The following KNL1 variants were observed in gnomAD, a reference collection of about 807,000 sequenced individuals.
KNL1 encodes the protein outer kinetochore KNL1 complex subunit KNL1.
KNL1 carries 66 observed loss-of-function variants against 201.3 expected under a neutral mutation model. The observed-to-expected ratio is 0.33, with a 90% CI of 0.27 to 0.40. The LOEUF is 0.40. KNL1 is among the 10% of genes least tolerant of loss of function. The pLI is 1.00. For synonymous variants in KNL1, 895 were observed against 899.2 expected, an observed-to-expected ratio of 1.00 and a Z score of 0.08; for missense variants, 2,815 against 2,690.5, an observed-to-expected ratio of 1.05 and a Z score of -1.02.
chr15:40,649,700 G>T (rs7183790), intron 17 of KNL1, among the ~76,000 whole-genome samples: 58,917 of 151,916 alleles, frequency 0.39, 11,621 homozygotes, highest in Middle Eastern at 0.47. Flanking sequence ...AAACTCCTGG[G>T]CTCAAGGAAT....
At position 40,620,623 on chromosome 15, in the gene KNL1, T is replaced by G; in HGVS notation, c.376-17T>G. ...TTTGCTTTTGTTCTGATCTCTTATATTTTGCTTTCATTATAGTTTTCAATT... is the reference window on the plus strand; with the variant it reads ...TTTGCTTTTGTTCTGATCTCTTATAGTTTGCTTTCATTATAGTTTTCAATT... On this transcript the variant is annotated splice_polypyrimidine_tract_variant and intron_variant, in intron 9 of 25. Coordinates refer to ENST00000399668, the MANE Select transcript of KNL1 (RefSeq NM_144508.5). 1 of 1,501,274 alleles carries G rather than the reference T, an allele frequency of 6.7e-7. No individual in the cohort carries two copies. The highest frequency in any genetic ancestry group is 1.4e-5 in the African/African-American group (1 of 71,358). The allele number at this position is 1,501,274 out of a possible 1,614,324, so 93.0% of individuals were successfully genotyped here.
At position 40,652,760 on chromosome 15, in the gene KNL1, C is replaced by CAAAA. The variant is rs3986318; in HGVS notation, c.6415+670_6415+673dup. On this transcript the variant is annotated intron_variant, in intron 21 of 25. Transcript: ENST00000399668. Reference sequence around the variant, plus strand: ...CCTGGGCAACAGAGCAAAACTGTCTCAAAAAAAAAAAAAAAAAAGAATGAG... The same window carrying CAAAA: ...CCTGGGCAACAGAGCAAAACTGTCTCAAAAAAAAAAAAAAAAAAAAAAGAATGAG... 1.4e-3 allele frequency among the ~76,000 whole-genome samples: 166 copies of CAAAA among 116,668 alleles called. 2 individuals are homozygous for CAAAA. The highest frequency in any genetic ancestry group is 0.01 in the East Asian group (32 of 3,164). The allele number at this position is 116,668 out of a possible 152,430, so 76.5% of individuals were successfully genotyped here. A position where few individuals can be genotyped will look rare whatever the true frequency, so the allele number is the denominator to read the frequency against.
chr15:40,602,883 T>C lies in KNL1; in HGVS notation c.-17-32T>C, dbSNP rs1891853210. The C allele has an allele frequency of 2.5e-6, 3 of 1,219,122 alleles. No individual in the cohort carries two copies. In the East Asian group the frequency reaches 7.0e-5, roughly 29 times the overall value. The allele number at this position is 1,219,122 out of a possible 1,614,324, so 75.5% of individuals were successfully genotyped here. ...GACTGTAGTTGCTCTTCCTTTTTCC[T>C]CATGTTTTCTAATATTGTATATTTG... On this transcript the variant is annotated intron_variant, in intron 1 of 25. Transcript: ENST00000399668.
intron 19 of KNL1, among the ~76,000 whole-genome samples, chr15:40,650,897 T>C (rs538939234): frequency 1.3e-5 from 2 of 152,308 alleles, no homozygotes; most frequent in Admixed American, 6.5e-5. Flanking sequence ...ATGAATCTTA[T>C]TCAACTGTAA....
At chr15:40,628,710 T>C in intron 12 of KNL1, 32 bp downstream of exon 12, 1 of 1,414,598 alleles carries the variant, frequency 7.1e-7, no homozygotes, top group Non-Finnish European at 9.8e-7. Flanking sequence ...TTTTTTTATT[T>C]ATAAAGAAAA....
Position 40,624,370 on chromosome 15 carries a change from A to T in KNL1, c.4106A>T (p.Glu1369Val), listed in dbSNP as rs1379868988. The T allele has an allele frequency of 1.2e-6, 2 of 1,613,960 alleles. 1 individual carries two copies. The highest frequency in any genetic ancestry group is 2.2e-5 in the South Asian group (2 of 91,072). ...SAPCPLLEKE[E>V]VIQTSTKGQL... ...CCTTGTCCTTTGTTAGAGAAGGAAG[A>T]AGTTATTCAAACCAGTACCAAAGGA... The change falls in exon 10 of 26, where the codon GAA becomes GTA. Residue 1369 changes from glutamate (E) to valine (V), a missense_variant. Around this residue, in one of 3 missense-constraint regions of KNL1, gnomAD observed 2,464 missense variants for 2,291.7 expected, o/e 1.08. Coordinates refer to ENST00000399668, the MANE Select transcript of KNL1 (RefSeq NM_144508.5).
intron 13 of KNL1, among the ~76,000 whole-genome samples, chr15:40,630,634 T>C (rs2141733618): frequency 6.6e-6 from 1 of 152,226 alleles, no homozygotes; most frequent in African/African-American, 2.4e-5. Context: ...AACCCTATTG[T>C]GAACTGCACA....
chr15:40,633,396 CAT>C (rs1340037522), intron 13 of KNL1, among the ~76,000 whole-genome samples: 1 of 151,668 alleles, frequency 6.6e-6, no homozygotes, highest in African/African-American at 2.4e-5. Flanking sequence ...ACATTACTCA[CAT>C]GTTTGTGGTG....
At position 40,605,134 on chromosome 15, in the gene KNL1, A is replaced by G. The variant is rs1310278203; in HGVS notation, c.60A>G (p.Arg20=). 1.4e-6 allele frequency: 2 copies of G among 1,477,842 alleles called. No homozygotes were observed. The highest frequency in any genetic ancestry group is 3.4e-5 in the Admixed American group (2 of 59,432). 91.5% of individuals were successfully genotyped at this position (1,477,842 alleles called of 1,614,324 possible). Residue 20 remains arginine, a synonymous_variant, in exon 3 of 26, where the codon AGA becomes AGG. Transcript: ENST00000399668. The part of the protein sequence containing the change: ...EENDNIERPV[R]RRHSSILKPP... ...GTGACAATATAGAGAGACCTGTTAG[A>G]AGACGGCATTCTTCAGTAAGAAAGA...
intron 13 of KNL1, among the ~76,000 whole-genome samples, chr15:40,635,915 G>A (rs976045864): frequency 6.6e-6 from 1 of 152,154 alleles, no homozygotes; most frequent in Non-Finnish European, 1.5e-5. Context: ...CACCCAGGCT[G>A]GAGTGCACTT....
chr15:40,617,149 A>G (rs1206727047), intron 8 of KNL1, among the ~76,000 whole-genome samples: 1 of 152,152 alleles, frequency 6.6e-6, no homozygotes, highest in Non-Finnish European at 1.5e-5. Flanking sequence ...GGGTTTCACC[A>G]TGTTGGCCAG....
chr15:40,594,856 G>A (rs1292746866), intron 1 of KNL1, among the ~76,000 whole-genome samples: 6 of 152,222 alleles, frequency 3.9e-5, no homozygotes, highest in Non-Finnish European at 7.3e-5. Flanking sequence ...GTGGTTTAAG[G>A]TGTCTGCTCG....
chr15:40,627,431 G>C (rs986084020), intron 10 of KNL1, among the ~76,000 whole-genome samples: 2 of 151,472 alleles, frequency 1.3e-5, no homozygotes, highest in African/African-American at 4.9e-5. Flanking sequence ...GGAGAATGGC[G>C]TGAACCCGGG....
intron 17 of KNL1, among the ~76,000 whole-genome samples, chr15:40,647,823 C>T (rs1893440525): frequency 6.6e-6 from 1 of 152,200 alleles, no homozygotes; most frequent in South Asian, 2.1e-4. Context: ...CTCCCTTAAT[C>T]TCTGTGATAA....
intron 6 of KNL1, chr15:40,610,720 GGAGTAGA>G: frequency 2.2e-6 from 1 of 455,910 alleles, no homozygotes; most frequent in Admixed American, 2.4e-5. Context: ...TTGAGTCTTG[GGAGTAGA>G]GAGTAGAGTG....
chr15:40,612,707 C>T (rs1002933299), intron 7 of KNL1, among the ~76,000 whole-genome samples: 7 of 151,906 alleles, frequency 4.6e-5, no homozygotes, highest in Non-Finnish European at 8.8e-5. Flanking sequence ...TTAGTAGACA[C>T]GGGGTTTCAC....
intron 8 of KNL1, among the ~76,000 whole-genome samples, chr15:40,616,080 T>TGTG (rs1892334908): frequency 6.7e-6 from 1 of 149,450 alleles, no homozygotes. Flanking sequence ...CTTTGTTCTT[T>TGTG]ACACATTGTC....
intron 1 of KNL1, among the ~76,000 whole-genome samples, chr15:40,597,567 A>C (rs1442262864): frequency 6.6e-6 from 1 of 152,094 alleles, no homozygotes; most frequent in Non-Finnish European, 1.5e-5. Flanking sequence ...GAGCCATCGC[A>C]CCAGGCCCCG....
chr15:40,622,903 T>C lies in KNL1; in HGVS notation c.2639T>C (p.Ile880Thr). The C allele has an allele frequency of 5.0e-6, 8 of 1,612,546 alleles. No individual in the cohort carries two copies. The highest frequency in any genetic ancestry group is 6.8e-6 in the Non-Finnish European group (8 of 1,179,248). The change falls in exon 10 of 26, where the codon ATA (isoleucine) becomes ACA (threonine). Residue 880 changes from isoleucine to threonine, a missense_variant. Physicochemically the swap from Ile to Thr is moderately conservative, Grantham distance 89. Around this residue, in one of 3 missense-constraint regions of KNL1, gnomAD observed 2,464 missense variants for 2,291.7 expected, o/e 1.08. Coordinates refer to ENST00000399668, the MANE Select transcript of KNL1 (RefSeq NM_144508.5). ...NDMDITKSYT[I>T]EINHRPLLEK... ...ATGGATATCACTAAGAGTTATACAA[T>C]AGAAATAAACCATAGACCTTTATTA...
Sources: gnomAD v4.1 joint callset for allele counts (sites outside exome capture counted in the v4.1 genomes callset) on GRCh38, gnomAD v4.1.1 for gene constraint, gnomAD v4.1.1 regional missense constraint, MANE v1.5 for transcripts, NCBI Gene and HGNC (gene_info 2026-07-23, HGNC 2026-07-21) for gene names.